Variants in LRP1B observed in about 807,000 individuals in gnomAD.
The protein encoded by LRP1B is LDL receptor related protein 1B.
In LRP1B, 217 loss-of-function variants were observed where a neutral mutation model predicts 556.6. That is an observed-to-expected ratio of 0.39 (90% CI 0.35 to 0.44). The LOEUF is 0.44. LRP1B is among the 20% of genes least tolerant of loss of function. LRP1B has a pLI of 1.00. For synonymous variants in LRP1B, 2,047 were observed against 1,865.8 expected (o/e 1.10, Z -2.50); for missense variants, 5,053 against 5,620.8 (o/e 0.90, Z 3.23).
chr2:142,098,561 G>A (rs1403227673), intron 1 of LRP1B, among the ~76,000 whole-genome samples: 1 of 151,390 alleles, frequency 6.6e-6, no homozygotes, highest in Non-Finnish European at 1.5e-5. Flanking sequence ...TTCAATTTTA[G>A]GACTTCATTG....
intron 2 of LRP1B, among the ~76,000 whole-genome samples, chr2:141,625,675 A>G (rs1688679751): frequency 6.6e-6 from 1 of 152,158 alleles, no homozygotes; most frequent in African/African-American, 2.4e-5. Flanking sequence ...TATATTATGC[A>G]TTTACATGTG....
intron 7 of LRP1B, among the ~76,000 whole-genome samples, chr2:141,127,455 C>T (rs911037628): frequency 3.9e-5 from 6 of 152,076 alleles, no homozygotes; most frequent in African/African-American, 1.4e-4. Context: ...TTTATTGCAG[C>T]ACTATTCACA....
intron 2 of LRP1B, among the ~76,000 whole-genome samples, chr2:141,580,589 C>T (rs760772169): frequency 6.6e-6 from 1 of 152,110 alleles, no homozygotes; most frequent in Non-Finnish European, 1.5e-5. Flanking sequence ...CTAGATGGTG[C>T]CAACATATCC....
chr2:141,107,087 T>A (rs1574079457), intron 7 of LRP1B, among the ~76,000 whole-genome samples: 1 of 152,230 alleles, frequency 6.6e-6, no homozygotes, highest in East Asian at 1.9e-4. Flanking sequence ...CACTTTTCAC[T>A]GGACTTTGGA....
At chr2:141,069,407 A>T (rs900956499) in intron 7 of LRP1B, among the ~76,000 whole-genome samples, 1 of 152,050 alleles carries the variant, frequency 6.6e-6, no homozygotes, top group Non-Finnish European at 1.5e-5. Context: ...CAGATATTTC[A>T]TCAATGTCTA....
intron 2 of LRP1B, among the ~76,000 whole-genome samples, chr2:141,614,098 A>AAAAAAAAAG (rs1553543037): frequency 6.6e-6 from 1 of 150,744 alleles, no homozygotes; most frequent in African/African-American, 2.4e-5. Flanking sequence ...AAAAAAAAAA[A>AAAAAAAAAG]AAAGAAAGAA....
rs1261417014 is a variant in LRP1B, at chr2:141,481,829, C to A, written c.206-1296G>T. On this transcript the variant is annotated intron_variant, in intron 2 of 90. Transcript: ENST00000389484. ...ATTTCACAGGGTTGTGGTGAGGATT[C>A]TATCAAAAGCTCTTAGAATACTGTC... is the stretch of plus-strand genomic sequence containing the variant. Among the ~76,000 whole-genome samples, 5 of 152,270 alleles carry A rather than the reference C, an allele frequency of 3.3e-5. No homozygotes were observed. The East Asian group carries it at 7.7e-4, about 24-fold the overall frequency.
intron 1 of LRP1B, among the ~76,000 whole-genome samples, chr2:141,908,134 T>G (rs1348631529): frequency 6.6e-6 from 1 of 152,110 alleles, no homozygotes; most frequent in African/African-American, 2.4e-5. Context: ...GCATAACTAT[T>G]GCTATCATTT....
chr2:140,320,271 A>G (rs913170934), intron 82 of LRP1B, among the ~76,000 whole-genome samples: 2 of 151,290 alleles, frequency 1.3e-5, no homozygotes, highest in Non-Finnish European at 2.9e-5. Flanking sequence ...TTATTCATCA[A>G]TTCATCTTTT....
intron 2 of LRP1B, among the ~76,000 whole-genome samples, chr2:141,729,303 ATTC>A (rs1693175178): frequency 1.3e-5 from 2 of 149,124 alleles, no homozygotes; most frequent in African/African-American, 2.5e-5. Flanking sequence ...ATGCTATGCT[ATTC>A]TTTTTTTTTA....
chr2:141,771,480 G>A (rs1388244873), intron 2 of LRP1B, among the ~76,000 whole-genome samples: 1 of 152,154 alleles, frequency 6.6e-6, no homozygotes, highest in Non-Finnish European at 1.5e-5. Flanking sequence ...CTAAGTATAA[G>A]AGAAGTCTAA....
chr2:140,301,521 A>T (rs529656737), intron 83 of LRP1B, among the ~76,000 whole-genome samples: 6 of 152,126 alleles, frequency 3.9e-5, no homozygotes, highest in Non-Finnish European at 5.9e-5. Flanking sequence ...CAATTTGATG[A>T]ATGTGTGACA....
At chr2:140,349,173 T>C (rs1216333331) in intron 77 of LRP1B, among the ~76,000 whole-genome samples, 3 of 152,084 alleles carry the variant, frequency 2.0e-5, no homozygotes, top group African/African-American at 7.2e-5. Flanking sequence ...GCCTGGGGGT[T>C]GGAGACCCCT....
intron 41 of LRP1B, among the ~76,000 whole-genome samples, chr2:140,696,217 T>C (rs1449490560): frequency 6.6e-6 from 1 of 152,162 alleles, no homozygotes; most frequent in Non-Finnish European, 1.5e-5. Flanking sequence ...TATGTGCCAA[T>C]AACTGGGTGT....
At chr2:141,645,872 C>G (rs959260936) in intron 2 of LRP1B, among the ~76,000 whole-genome samples, 1 of 151,922 alleles carries the variant, frequency 6.6e-6, no homozygotes, top group South Asian at 2.1e-4. Flanking sequence ...TACAAGCCAG[C>G]TTTTTACTTG....
chr2:141,370,018 C>G (rs544447188), intron 3 of LRP1B, among the ~76,000 whole-genome samples: 14 of 152,238 alleles, frequency 9.2e-5, no homozygotes, highest in African/African-American at 2.6e-4. Flanking sequence ...GTACATATGC[C>G]ACCTTTTCTT....
At chr2:141,126,319 C>T (rs184010563) in intron 7 of LRP1B, among the ~76,000 whole-genome samples, 2 of 152,286 alleles carry the variant, frequency 1.3e-5, no homozygotes, top group East Asian at 1.9e-4. Flanking sequence ...CAGGCATGAG[C>T]CATCGCTCCT....
intron 66 of LRP1B, among the ~76,000 whole-genome samples, chr2:140,435,918 AT>A (rs1213717459): frequency 6.6e-6 from 1 of 151,982 alleles, no homozygotes; most frequent in African/African-American, 2.4e-5. Flanking sequence ...AAACATTTCA[AT>A]GCAAAATAAA....
intron 37 of LRP1B, among the ~76,000 whole-genome samples, chr2:140,710,748 G>A (rs1392223417): frequency 2.0e-5 from 3 of 151,926 alleles, no homozygotes; most frequent in African/African-American, 7.2e-5. Flanking sequence ...AAACTGTCCT[G>A]GAGAAGGCAA....
Sources: allele counts gnomAD v4.1 joint callset (sites outside exome capture counted in the v4.1 genomes callset), GRCh38; gene constraint gnomAD v4.1.1; transcripts MANE v1.5; gene names NCBI Gene and HGNC (gene_info 2026-07-23, HGNC 2026-07-21).